MAPK10: variants seen among roughly 807,000 people sequenced by gnomAD.
The protein encoded by MAPK10 is JNK3 alpha protein kinase.
A neutral mutation model predicts 59.3 loss-of-function variants in MAPK10; 25 were observed. That is an observed-to-expected ratio of 0.42 (90% confidence interval 0.31 to 0.59). The LOEUF (loss-of-function observed/expected upper bound fraction) is 0.59. MAPK10 is among the 20% of genes least tolerant of loss of function. The pLI is 0.15. For synonymous variants in MAPK10, 190 were observed against 200.5 expected, an observed-to-expected ratio of 0.95 and a Z score of 0.44; for missense variants, 351 against 568.9, an observed-to-expected ratio of 0.62 and a Z score of 3.90.
chr4:86,193,884 G>T (rs1316738007), intron 3 of MAPK10: 2 of 165,086 alleles, frequency 1.2e-5, no homozygotes, highest in Non-Finnish European at 2.7e-5. Flanking sequence ...CCCTTGCGGT[G>T]TAGACACCTG....
intron 1 of MAPK10, among the ~76,000 whole-genome samples, chr4:86,531,759 G>A (rs1403203874): frequency 6.6e-6 from 1 of 152,140 alleles, no homozygotes. Context: ...CAGGATTGGG[G>A]GAGGGGAGAG....
chr4:86,178,459 G>A (rs1417601237), intron 3 of MAPK10, among the ~76,000 whole-genome samples: 4 of 151,864 alleles, frequency 2.6e-5, no homozygotes, highest in African/African-American at 9.7e-5. Context: ...TGTTTTTTAG[G>A]AGAGTAACCA....
At chr4:86,044,025 T>C (rs564687278) in intron 11 of MAPK10, among the ~76,000 whole-genome samples, 1 of 152,240 alleles carries the variant, frequency 6.6e-6, no homozygotes, top group Admixed American at 6.6e-5. Flanking sequence ...TATTGAAATA[T>C]ATTTTAACGT....
chr4:86,509,802 C>G (rs973206728), intron 1 of MAPK10, among the ~76,000 whole-genome samples: 3 of 152,128 alleles, frequency 2.0e-5, no homozygotes, highest in Non-Finnish European at 1.5e-5. Flanking sequence ...GTCAAAAATA[C>G]AATTTGGGTC....
chr4:86,477,049 T>C (rs1296613296), intron 1 of MAPK10, among the ~76,000 whole-genome samples: 1 of 152,184 alleles, frequency 6.6e-6, no homozygotes, highest in Non-Finnish European at 1.5e-5. Context: ...TCCTCTCGGC[T>C]TAGCAGCTGA....
intron 10 of MAPK10, among the ~76,000 whole-genome samples, chr4:86,066,731 C>T (rs1004248902): frequency 2.6e-5 from 3 of 115,804 alleles, no homozygotes; most frequent in African/African-American, 3.5e-5. Flanking sequence ...GTATCCCGGG[C>T]GACAGAGCGA....
chr4:86,219,594 A>G (rs1310704158), intron 2 of MAPK10, among the ~76,000 whole-genome samples: 2 of 152,144 alleles, frequency 1.3e-5, no homozygotes, highest in Non-Finnish European at 1.5e-5. Context: ...ATATGGAAAT[A>G]TATCTCTTAT....
intron 1 of MAPK10, among the ~76,000 whole-genome samples, chr4:86,467,163 T>C (rs1020464188): frequency 2.6e-5 from 4 of 152,196 alleles, no homozygotes; most frequent in African/African-American, 9.7e-5. Context: ...CCAAAAATTA[T>C]AGAAGGCCAC....
intron 2 of MAPK10, among the ~76,000 whole-genome samples, chr4:86,196,073 G>A (rs1026637566): frequency 3.6e-4 from 55 of 152,108 alleles, no homozygotes; most frequent in Non-Finnish European, 1.6e-4. Flanking sequence ...TAATCCTTTG[G>A]ATATATACCC....
intron 1 of MAPK10, among the ~76,000 whole-genome samples, chr4:86,367,498 C>T (rs982293689): frequency 1.3e-5 from 2 of 152,088 alleles, no homozygotes; most frequent in East Asian, 1.9e-4. Context: ...TTTTATTACA[C>T]GTACTACAGT....
intron 2 of MAPK10, among the ~76,000 whole-genome samples, chr4:86,262,094 G>T (rs1056291799): frequency 2.6e-5 from 4 of 152,226 alleles, no homozygotes; most frequent in Admixed American, 2.0e-4. Flanking sequence ...GTCCTCCAAA[G>T]TTCCTGTGTT....
chr4:86,124,100 A>G (rs2059695362), intron 4 of MAPK10: 2 of 151,974 alleles, frequency 1.3e-5, no homozygotes, highest in South Asian at 4.1e-4. Context: ...AAGATAGGTT[A>G]CTTATTTTTT....
chr4:86,566,812 A>G (rs543387078), intron 1 of MAPK10, among the ~76,000 whole-genome samples: 1 of 151,420 alleles, frequency 6.6e-6, no homozygotes, highest in East Asian at 2.0e-4. Flanking sequence ...GCTCTCACCT[A>G]TAATCCCAGC....
At chr4:86,291,829 T>C (rs762641958) in intron 2 of MAPK10, among the ~76,000 whole-genome samples, 10 of 152,166 alleles carry the variant, frequency 6.6e-5, no homozygotes, top group Non-Finnish European at 1.2e-4. Context: ...TAAATTCCTA[T>C]AAAATACAAT....
intron 9 of MAPK10, among the ~76,000 whole-genome samples, chr4:86,070,348 C>CTT (rs894340170): frequency 7.3e-6 from 1 of 136,510 alleles, no homozygotes; most frequent in Non-Finnish European, 1.6e-5. Flanking sequence ...ATTTTTCTTT[C>CTT]TTTTTTTTTT....
chr4:86,022,189 T>G (rs1469231170), intron 13 of MAPK10, among the ~76,000 whole-genome samples: 1 of 152,230 alleles, frequency 6.6e-6, no homozygotes, highest in Non-Finnish European at 1.5e-5. Context: ...TTTTCTAAAG[T>G]GGGTGCACCA....
chr4:86,470,116 A>G (rs2149065477), intron 1 of MAPK10, among the ~76,000 whole-genome samples: 1 of 152,358 alleles, frequency 6.6e-6, no homozygotes, highest in African/African-American at 2.4e-5. Flanking sequence ...CATGACCATG[A>G]AAGTCACAAA....
chr4:86,225,747 T>C (rs1292214503), intron 2 of MAPK10, among the ~76,000 whole-genome samples: 1 of 152,164 alleles, frequency 6.6e-6, no homozygotes, highest in Non-Finnish European at 1.5e-5. Flanking sequence ...CATCAACATA[T>C]TAATTACCTA....
chr4:86,579,323 C>A (rs1019373145), intron 1 of MAPK10, among the ~76,000 whole-genome samples: 7 of 151,910 alleles, frequency 4.6e-5, no homozygotes, highest in African/African-American at 1.4e-4. Flanking sequence ...TTTTTGTTTT[C>A]TTTTGTTTTT....
Sources: allele counts gnomAD v4.1 joint callset (sites outside exome capture counted in the v4.1 genomes callset), GRCh38; gene constraint gnomAD v4.1.1; transcripts MANE v1.5; gene names NCBI Gene and HGNC (gene_info 2026-07-23, HGNC 2026-07-21).